Variants in DNPEP observed in about 807,000 individuals in gnomAD.
DNPEP encodes aspartyl aminopeptidase.
DNPEP carries 46 observed loss-of-function variants against 59.1 expected under a neutral mutation model. That is an observed-to-expected ratio of 0.78 (90% CI 0.61 to 0.99). The LOEUF (loss-of-function observed/expected upper bound fraction) is 0.99, where lower values mean the gene tolerates loss of function less well. Among genes scored for constraint, DNPEP ranks in the 50% least tolerant of loss-of-function variants. The probability of loss-of-function intolerance (pLI) is 0.00; values close to 1 mark genes in which losing one functional copy is unlikely to be tolerated. For synonymous variants in DNPEP, 229 were observed against 242.2 expected (o/e 0.95, Z 0.50); for missense variants, 617 against 649.9 (o/e 0.95, Z 0.55).
At chr2:219,391,909 C>G (rs565381116), upstream of DNPEP, among the ~76,000 whole-genome samples, 1 of 145,090 alleles carries the variant, frequency 6.9e-6, no homozygotes, top group South Asian at 2.2e-4. Context: ...GGAATTGTTA[C>G]AGAAAAGAAT....
At chr2:219,387,603 A>G in intron 1 of DNPEP, 156 bp downstream of exon 1, 1 of 1,533,116 alleles carries the variant, frequency 6.5e-7, no homozygotes, top group South Asian at 1.2e-5. Context: ...TCCCCCTTCC[A>G]GTCCCGGGAA....
intron 13 of DNPEP, among the ~76,000 whole-genome samples, chr2:219,377,304 A>AAAT (rs1340872087): frequency 6.6e-6 from 1 of 150,398 alleles, no homozygotes. Context: ...AAAAAAAAAA[A>AAAT]AGTTTAACTT....
chr2:219,382,609 G>A (rs1285754435), intron 10 of DNPEP, among the ~76,000 whole-genome samples: 2 of 152,186 alleles, frequency 1.3e-5, no homozygotes, highest in Non-Finnish European at 2.9e-5. Context: ...AAGCCAGGGG[G>A]TGTCTACTGC....
Position 219,372,692 on chromosome 2 carries a change from G to A in DNPEP, c.*1600C>T, listed in dbSNP as rs1279677083. Among the ~76,000 whole-genome samples the A allele has an allele frequency of 6.6e-6, 1 of 152,078 alleles. No homozygotes were observed. Among genetic ancestry groups the A allele is most frequent in the African/African-American group, 2.4e-5 (1 of 41,418 alleles). The stretch of plus-strand genomic sequence containing the variant: ...ATATAATGTTTTGAAGGTACTCCTT[G>A]TCCTGTGTCCAGTTCTGCAACCTGC... On this transcript the variant is annotated 3_prime_UTR_variant, in exon 15 of 15. Coordinates refer to ENST00000273075, the MANE Select transcript of DNPEP (RefSeq NM_012100.4).
intron 13 of DNPEP, among the ~76,000 whole-genome samples, chr2:219,379,645 G>A (rs969189382): frequency 4.6e-4 from 70 of 152,104 alleles, no homozygotes; most frequent in African/African-American, 1.6e-3. Flanking sequence ...AAAGTTGGCC[G>A]GGTGCAGTGG....
chr2:219,387,913 C>A, upstream of DNPEP: 1 of 1,378,886 alleles, frequency 7.3e-7, no homozygotes, highest in Non-Finnish European at 9.3e-7. Flanking sequence ...ATCACGCTTC[C>A]CCGGCCGCGC....
rs774570513 is a variant in DNPEP, at chr2:219,384,355, C to T, written c.852+11G>A. The T allele has an allele frequency of 1.7e-5, 28 of 1,603,888 alleles. No individual in the cohort carries two copies. Among genetic ancestry groups the T allele is most frequent in the East Asian group, 4.5e-5 (2 of 44,096 alleles). Reference sequence around the variant, plus strand: ...TGGTTATGTGCTGCCTGGGGCGCCCCGGCTCCTCACCTGCAGGGCACAGAA... The same window carrying T: ...TGGTTATGTGCTGCCTGGGGCGCCCTGGCTCCTCACCTGCAGGGCACAGAA... On this transcript the variant is annotated intron_variant, in intron 9 of 14. Coordinates refer to ENST00000273075, the MANE Select transcript of DNPEP (RefSeq NM_012100.4).
At chr2:219,382,236 C>T in intron 10 of DNPEP, 97 bp from the exon 11 acceptor site, 1 of 1,395,770 alleles carries the variant, frequency 7.2e-7, no homozygotes, top group Non-Finnish European at 9.7e-7. Context: ...GCCCAAAACC[C>T]CACTGAGTCA....
intron 1 of DNPEP, among the ~76,000 whole-genome samples, chr2:219,398,794 T>C: frequency 6.6e-6 from 1 of 152,224 alleles, no homozygotes; most frequent in East Asian, 1.9e-4. Flanking sequence ...GGTGCACTCC[T>C]ACCACCCAAG....
rs752574382 is a variant in DNPEP at position 219,374,894 on chromosome 2, G to A, written c.1368C>T (p.Ala456=). 1 of 1,614,206 alleles carries A rather than the reference G, an allele frequency of 6.2e-7. No individual in the cohort carries two copies. The highest frequency in any genetic ancestry group is 1.7e-5 in the Admixed American group (1 of 60,026). The change falls in exon 14 of 15, where the codon GCC becomes GCT. Residue 456 remains alanine (A), a synonymous_variant. Transcript: ENST00000273075. ...GGGTCTGGAGGACTCCTGTGGTGCAGGCCATCTCCCGGATAGAGTGCATGG... is the reference window on the plus strand; with the variant it reads ...GGGTCTGGAGGACTCCTGTGGTGCAAGCCATCTCCCGGATAGAGTGCATGG... The part of the protein sequence containing the change: ...QLAMHSIREM[A]CTTGVLQTLT...
upstream of DNPEP, chr2:219,387,951 C>T (rs1953926599): frequency 7.4e-7 from 1 of 1,342,682 alleles, no homozygotes; most frequent in African/African-American, 1.6e-5. Flanking sequence ...GGCCTCCCCG[C>T]CCACCTCTCC....
At chr2:219,381,650 CCCATG>C in intron 11 of DNPEP, 66 bp from the exon 12 acceptor site, 6 of 1,520,058 alleles carry the variant, frequency 3.9e-6, no homozygotes, top group Non-Finnish European at 3.7e-6. Flanking sequence ...TCACCACCCT[CCCATG>C]GCAGACATCA....
chr2:219,397,680 G>A (rs536148944), intron 1 of DNPEP, among the ~76,000 whole-genome samples: 55 of 152,160 alleles, frequency 3.6e-4, no homozygotes, highest in East Asian at 7.7e-4. Context: ...GACAATTATC[G>A]GGGTACAGAT....
chr2:219,385,792 C>T (rs1385899872), intron 6 of DNPEP, 86 bp from the exon 7 acceptor site: 39 of 1,421,874 alleles, frequency 2.7e-5, no homozygotes, highest in Non-Finnish European at 3.4e-5. Context: ...TCCTGATGGG[C>T]AACTGCCTCT....
At chr2:219,384,295 AG>A in intron 9 of DNPEP, 70 bp downstream of exon 9, 1 of 1,451,482 alleles carries the variant, frequency 6.9e-7, no homozygotes. Flanking sequence ...GGCTTTAGGC[AG>A]CTCCCCCGAC....
At chr2:219,385,395 A>G (rs938410278) in intron 8 of DNPEP, 29 bp downstream of exon 8, 5 of 1,534,390 alleles carry the variant, frequency 3.3e-6, no homozygotes, top group African/African-American at 2.7e-5. Flanking sequence ...GAGGCCCTTC[A>G]CCCACAGGTT....
Position 219,385,639 on chromosome 2 carries a change from T to G in DNPEP, c.658A>C (p.Asn220His). ...TCAGGAGACTCTCTTACCACAGCAT[T>G]GAGAGGCCCTGGCTCAGGAGTCCCC... ...EKGTPEPGPL[N>H]AVDERHHSVL... is the part of the protein sequence containing the mutation. The change falls in exon 7 of 15, where the codon AAT becomes CAT. Residue 220 changes from asparagine to histidine, a missense_variant. Transcript: ENST00000273075. 6.2e-7 allele frequency: 1 copy of G among 1,612,732 alleles called. No homozygotes were observed. Among genetic ancestry groups the G allele is most frequent in the Non-Finnish European group, 8.5e-7 (1 of 1,179,264 alleles).
upstream of DNPEP, chr2:219,387,971 G>A: frequency 2.0e-6 from 2 of 975,936 alleles, no homozygotes; most frequent in Non-Finnish European, 2.6e-6. Flanking sequence ...CCCGCCCCTC[G>A]GCATCCGCCC....
rs962463651 is a variant in DNPEP, at chr2:219,372,532, A to G, written c.*1760T>C. ...AGGCACCCACCACCACGCATGGCTA[A>G]TTTTTTTTGTATTTTTAGTAGAGAG... On this transcript the variant is annotated 3_prime_UTR_variant, in exon 15 of 15. Coordinates refer to ENST00000273075, the MANE Select transcript of DNPEP (RefSeq NM_012100.4). 1.7e-4 allele frequency among the ~76,000 whole-genome samples: 25 copies of G among 151,376 alleles called. No individual in the cohort carries two copies. Among genetic ancestry groups the G allele is most frequent in the African/African-American group, 5.8e-4 (24 of 41,184 alleles).
Sources: gnomAD v4.1 joint callset for allele counts (sites outside exome capture counted in the v4.1 genomes callset) on GRCh38, gnomAD v4.1.1 for gene constraint, MANE v1.5 for transcripts, NCBI Gene and HGNC (gene_info 2026-07-23, HGNC 2026-07-21) for gene names.